The following LRP1B variants were observed in gnomAD, a reference collection of about 807,000 sequenced individuals.
The protein encoded by LRP1B is LDL receptor related protein 1B, also known as low-density lipoprotein receptor-related protein 1B.
LRP1B carries 217 observed loss-of-function variants against 556.6 expected under a neutral mutation model. The ratio of observed to expected loss-of-function variants is 0.39; its 90% CI spans 0.35 to 0.44. The LOEUF is 0.44. Ranked by LOEUF, LRP1B falls within the 20% of genes least tolerant of loss-of-function variation. The pLI is 1.00. For missense variants in LRP1B, 5,053 were observed against 5,620.8 expected (o/e 0.90, Z 3.23); for synonymous variants, 2,047 against 1,865.8 (o/e 1.10, Z -2.50).
At chr2:140,265,171 C>A (rs1346892109) in intron 86 of LRP1B, among the ~76,000 whole-genome samples, 1 of 151,970 alleles carries the variant, frequency 6.6e-6, no homozygotes, top group African/African-American at 2.4e-5. Context: ...GGTAGGAAGG[C>A]TTGGTCAACT....
At chr2:140,482,663 A>C (rs1202937550) in intron 59 of LRP1B, among the ~76,000 whole-genome samples, 5 of 152,156 alleles carry the variant, frequency 3.3e-5, no homozygotes, top group African/African-American at 1.2e-4. Flanking sequence ...TAAATACCAT[A>C]TCTAAAGTGC....
chr2:141,078,386 C>G (rs988388857), intron 7 of LRP1B, among the ~76,000 whole-genome samples: 1 of 152,178 alleles, frequency 6.6e-6, no homozygotes, highest in African/African-American at 2.4e-5. Flanking sequence ...CATGGCAGAA[C>G]CTTCCACCCC....
intron 56 of LRP1B, among the ~76,000 whole-genome samples, chr2:140,494,564 G>A (rs767723002): frequency 5.4e-4 from 74 of 137,714 alleles, no homozygotes; most frequent in Middle Eastern, 4.5e-3. Context: ...CTAAGATCGC[G>A]CCACTGCACT....
chr2:140,341,636 T>G (rs1239326754), intron 77 of LRP1B, among the ~76,000 whole-genome samples: 1 of 151,426 alleles, frequency 6.6e-6, no homozygotes, highest in Non-Finnish European at 1.5e-5. Context: ...AGATAAAAAG[T>G]TGCATTCTTG....
intron 43 of LRP1B, among the ~76,000 whole-genome samples, chr2:140,549,333 G>A (rs12052422): frequency 0.46 from 69,300 of 151,666 alleles, 16,425 homozygotes; most frequent in South Asian, 0.59. Context: ...CTTGCCACAC[G>A]GATATATAAG....
Position 140,846,450 on chromosome 2 carries a change from G to A in LRP1B, c.4939+3652C>T, listed in dbSNP as rs181462559. On this transcript the variant is annotated intron_variant, in intron 29 of 90. Transcript: ENST00000389484. The stretch of plus-strand genomic sequence containing the variant: ...CGGGTGCCTGTAATCCCAGCTACTC[G>A]GGAGGCTGAGGAAGGAAAATCACTT... Among the ~76,000 whole-genome samples, 71 of 152,142 alleles carry A rather than the reference G, an allele frequency of 4.7e-4. 1 individual carries two copies. In the East Asian group the frequency reaches 0.011, roughly 24 times the overall value.
At chr2:141,265,929 T>A (rs184858171) in intron 3 of LRP1B, among the ~76,000 whole-genome samples, 10 of 152,314 alleles carry the variant, frequency 6.6e-5, no homozygotes, top group African/African-American at 2.4e-4. Flanking sequence ...AGACTCTACG[T>A]CCTACCTCTC....
At chr2:141,390,775 A>G (rs997215949) in intron 3 of LRP1B, among the ~76,000 whole-genome samples, 3 of 152,336 alleles carry the variant, frequency 2.0e-5, no homozygotes, top group African/African-American at 7.2e-5. Flanking sequence ...TAGGGGCTGG[A>G]GTGAGGGGAG....
At chr2:140,314,492 T>TC (rs1684435076) in intron 83 of LRP1B, among the ~76,000 whole-genome samples, 1 of 152,096 alleles carries the variant, frequency 6.6e-6, no homozygotes, top group Non-Finnish European at 1.5e-5. Flanking sequence ...AGATACAATT[T>TC]TAGATGGGAA....
At chr2:141,408,589 AAAAC>A (rs1690729020) in intron 3 of LRP1B, among the ~76,000 whole-genome samples, 2 of 152,066 alleles carry the variant, frequency 1.3e-5, no homozygotes, top group African/African-American at 4.8e-5. Context: ...CAAGGTAACA[AAAAC>A]AGAGTGTAAA....
intron 68 of LRP1B, among the ~76,000 whole-genome samples, chr2:140,373,373 G>A (rs1683078188): frequency 6.6e-6 from 1 of 152,026 alleles, no homozygotes; most frequent in Admixed American, 6.6e-5. Flanking sequence ...TAAGAACCAT[G>A]TCTGCTATAT....
At chr2:141,543,932 C>T (rs1685363498) in intron 2 of LRP1B, among the ~76,000 whole-genome samples, 1 of 152,016 alleles carries the variant, frequency 6.6e-6, no homozygotes, top group African/African-American at 2.4e-5. Context: ...TTTCCTTTCT[C>T]CCATCCTCCC....
intron 37 of LRP1B, 23 bp downstream of exon 37, chr2:140,715,950 A>G: frequency 6.5e-7 from 1 of 1,542,526 alleles, no homozygotes; most frequent in Non-Finnish European, 8.8e-7. Flanking sequence ...AACTTGGAAG[A>G]TATACGTAAA....
chr2:140,665,681 T>G (rs1452321257), intron 41 of LRP1B, among the ~76,000 whole-genome samples: 1 of 152,088 alleles, frequency 6.6e-6, no homozygotes, highest in Non-Finnish European at 1.5e-5. Flanking sequence ...GAAAACAACT[T>G]TACATGTAGG....
intron 3 of LRP1B, among the ~76,000 whole-genome samples, chr2:141,465,261 G>A (rs1299599393): frequency 1.3e-5 from 2 of 152,002 alleles, no homozygotes; most frequent in African/African-American, 4.8e-5. Flanking sequence ...GCATAAAACT[G>A]AGAAAATAAA....
chr2:140,269,624 C>T (rs1337770314), intron 86 of LRP1B, among the ~76,000 whole-genome samples: 4 of 151,836 alleles, frequency 2.6e-5, no homozygotes, highest in Admixed American at 6.6e-5. Context: ...CAACAGTGAC[C>T]ATGTAATCTG....
chr2:140,511,537 G>C lies in LRP1B; in HGVS notation c.8270-1481C>G, dbSNP rs577667293. ...AGAATGGTCTCAATATCCTGACCTCGTGATCCGCCCGCCTCGGTCTCCCAA... is the reference window on the plus strand; with the variant it reads ...AGAATGGTCTCAATATCCTGACCTCCTGATCCGCCCGCCTCGGTCTCCCAA... On this transcript the variant is annotated intron_variant, in intron 51 of 90. Coordinates refer to ENST00000389484, the MANE Select transcript of LRP1B (RefSeq NM_018557.3). Among the ~76,000 whole-genome samples the C allele has an allele frequency of 4.6e-5, 7 of 152,004 alleles. No individual in the cohort carries two copies. The East Asian group carries it at 1.4e-3, about 29-fold the overall frequency.
At chr2:140,811,808 T>C (rs1400029501) in intron 32 of LRP1B, among the ~76,000 whole-genome samples, 1 of 152,140 alleles carries the variant, frequency 6.6e-6, no homozygotes, top group Non-Finnish European at 1.5e-5. Context: ...AAATTCCTAC[T>C]GTAAAATAAC....
chr2:141,004,889 T>C lies in LRP1B; in HGVS notation c.2503+446A>G, dbSNP rs1158222922. 1.3e-4 allele frequency among the ~76,000 whole-genome samples: 20 copies of C among 152,044 alleles called. 1 individual carries two copies. Among genetic ancestry groups the C allele is most frequent in the Admixed American group, 1.3e-3 (20 of 15,224 alleles). On this transcript the variant is annotated intron_variant, in intron 15 of 90. Coordinates refer to ENST00000389484, the MANE Select transcript of LRP1B (RefSeq NM_018557.3). The stretch of plus-strand genomic sequence containing the variant: ...TCAATCAATCCAGTTAATTCACTAT[T>C]TGGATAGTCTGTAAATTCTTTACAA...
Sources: gnomAD v4.1 joint callset for allele counts (sites outside exome capture counted in the v4.1 genomes callset) on GRCh38, gnomAD v4.1.1 for gene constraint, MANE v1.5 for transcripts, NCBI Gene and HGNC (gene_info 2026-07-23, HGNC 2026-07-21) for gene names.